The following RBFOX1 variants were observed in gnomAD, a reference collection of about 807,000 sequenced individuals.
RBFOX1 encodes RNA binding fox-1 homolog 1, also known as RNA binding protein fox-1 homolog 1.
Under a neutral mutation model 57.7 loss-of-function variants are expected in RBFOX1, and 8 were observed. The ratio of observed to expected loss-of-function variants is 0.14; its 90% CI spans 0.08 to 0.25. The LOEUF (loss-of-function observed/expected upper bound fraction) is 0.25, where lower values mean the gene tolerates loss of function less well. RBFOX1 is among the 10% of genes least tolerant of loss of function. RBFOX1 has a pLI of 1.00. For missense variants in RBFOX1, 611 were observed against 548.5 expected (o/e 1.11, Z -1.14); for synonymous variants, 326 against 222.4 (o/e 1.47, Z -4.15).
intron 3 of RBFOX1, among the ~76,000 whole-genome samples, chr16:5,796,006 G>C (rs1011697914): frequency 9.9e-5 from 15 of 152,256 alleles, no homozygotes; most frequent in African/African-American, 3.6e-4. Flanking sequence ...CATTTGCATA[G>C]GGCTGTGCAA....
intron 3 of RBFOX1, among the ~76,000 whole-genome samples, chr16:5,635,640 C>G (rs781162340): frequency 7.9e-6 from 1 of 126,612 alleles, no homozygotes; most frequent in Non-Finnish European, 1.5e-5. Flanking sequence ...GACATGCATG[C>G]AATTTGCATT....
intron 1 of RBFOX1, among the ~76,000 whole-genome samples, chr16:5,393,875 A>G (rs1252158661): frequency 2.0e-5 from 3 of 152,066 alleles, no homozygotes; most frequent in Non-Finnish European, 4.4e-5. Context: ...CTAACTTCCC[A>G]TTCACGTTTC....
intron 4 of RBFOX1, among the ~76,000 whole-genome samples, chr16:6,006,009 G>A (rs985448112): frequency 3.9e-5 from 6 of 152,234 alleles, no homozygotes; most frequent in African/African-American, 7.2e-5. Flanking sequence ...TTCATGGAGA[G>A]TCTTGTATGG....
chr16:6,295,886 G>A (rs2078045145), intron 1 of RBFOX1, among the ~76,000 whole-genome samples: 1 of 152,176 alleles, frequency 6.6e-6, no homozygotes, highest in African/African-American at 2.4e-5. Flanking sequence ...CCTTGGCACC[G>A]ATAATGTCCC....
chr16:6,278,575 C>G (rs1567836463), intron 1 of RBFOX1, among the ~76,000 whole-genome samples: 1 of 151,914 alleles, frequency 6.6e-6, no homozygotes, highest in Non-Finnish European at 1.5e-5. Flanking sequence ...CTGAATTTCT[C>G]TTTTGAGCTT....
At chr16:6,885,126 A>C (rs2063723135) in intron 3 of RBFOX1, among the ~76,000 whole-genome samples, 1 of 152,188 alleles carries the variant, frequency 6.6e-6, no homozygotes, top group Non-Finnish European at 1.5e-5. Context: ...GGAAGGAGGA[A>C]AGTCTCAAGC....
At chr16:6,839,431 C>T (rs1370350985) in intron 3 of RBFOX1, among the ~76,000 whole-genome samples, 3 of 152,174 alleles carry the variant, frequency 2.0e-5, no homozygotes, top group Non-Finnish European at 4.4e-5. Flanking sequence ...TCAATAAACA[C>T]CCTGAAATTT....
chr16:6,987,189 C>G (rs1183577548), intron 3 of RBFOX1, among the ~76,000 whole-genome samples: 5 of 152,068 alleles, frequency 3.3e-5, no homozygotes, highest in South Asian at 2.1e-4. Context: ...AGTGTTTTGC[C>G]AAGTCTTGAT....
intron 11 of RBFOX1, among the ~76,000 whole-genome samples, chr16:7,635,215 A>G (rs911869382): frequency 6.6e-6 from 1 of 152,240 alleles, no homozygotes; most frequent in African/African-American, 2.4e-5. Flanking sequence ...TAGTTGAAGT[A>G]TCTAAAGGTA....
At chr16:6,353,252 A>G (rs138292956) in intron 2 of RBFOX1, among the ~76,000 whole-genome samples, 143 of 152,154 alleles carry the variant, frequency 9.4e-4, no homozygotes, top group Middle Eastern at 3.4e-3. Context: ...CTCCATCTGA[A>G]ATGCACTTGG....
Position 6,764,739 on chromosome 16 carries a change from C to G in RBFOX1, c.-16+110089C>G, listed in dbSNP as rs574836243. 2.6e-5 allele frequency among the ~76,000 whole-genome samples: 4 copies of G among 152,146 alleles called. No individual in the cohort carries two copies. The South Asian group carries it at 8.3e-4, about 32-fold the overall frequency. ...GTCACTTGAGGTCAGGTGTACGAGA[C>G]CAACCTGGCCAACATGGTGAAACCC... On this transcript the variant is annotated intron_variant, in intron 3 of 15. Coordinates refer to ENST00000550418, the MANE Select transcript of RBFOX1 (RefSeq NM_018723.4).
intron 3 of RBFOX1, among the ~76,000 whole-genome samples, chr16:5,723,007 T>G (rs1047972500): frequency 6.6e-6 from 1 of 152,202 alleles, no homozygotes; most frequent in African/African-American, 2.4e-5. Context: ...TTAGGGCACA[T>G]AAGGCTCTCA....
rs114072513 is a variant in RBFOX1, at chr16:6,105,831, G to A, written c.-127+85839G>A. On this transcript the variant is annotated intron_variant, in intron 1 of 15. Coordinates refer to ENST00000550418, the MANE Select transcript of RBFOX1 (RefSeq NM_018723.4). ...ACTTAATTGGGCTTAAGCTGTATAT[G>A]TTCCATACCCTGCTATTGTTGCTTG... 9.9e-3 allele frequency among the ~76,000 whole-genome samples: 1,508 copies of A among 152,106 alleles called. 26 individuals carry two copies. The highest frequency in any genetic ancestry group is 0.034 in the African/African-American group (1,426 of 41,480).
intron 2 of RBFOX1, among the ~76,000 whole-genome samples, chr16:6,380,737 C>T (rs2091729119): frequency 6.6e-6 from 1 of 152,080 alleles, no homozygotes; most frequent in South Asian, 2.1e-4. Flanking sequence ...AGTATAGGAA[C>T]TCTGGGTCCA....
intron 3 of RBFOX1, among the ~76,000 whole-genome samples, chr16:5,835,547 G>A (rs1443947997): frequency 6.6e-6 from 1 of 152,146 alleles, no homozygotes; most frequent in Non-Finnish European, 1.5e-5. Flanking sequence ...TGGATCTACT[G>A]AATCAGCATC....
chr16:5,862,341 G>A (rs1369523270), intron 3 of RBFOX1, among the ~76,000 whole-genome samples: 6 of 152,286 alleles, frequency 3.9e-5, no homozygotes, highest in Non-Finnish European at 7.3e-5. Flanking sequence ...TTTGCTGGTG[G>A]GGAGGGAAAT....
intron 3 of RBFOX1, among the ~76,000 whole-genome samples, chr16:6,888,454 G>C (rs934829880): frequency 6.6e-6 from 1 of 152,170 alleles, no homozygotes; most frequent in Non-Finnish European, 1.5e-5. Flanking sequence ...GTCACTTACT[G>C]TCTTGGGTTT....
intron 1 of RBFOX1, among the ~76,000 whole-genome samples, chr16:5,405,885 C>G (rs1420769636): frequency 6.6e-6 from 1 of 152,010 alleles, no homozygotes; most frequent in Non-Finnish European, 1.5e-5. Flanking sequence ...GCAGAGTGAT[C>G]CAAGTCATCT....
rs142279155 is a variant in RBFOX1 at position 6,084,432 on chromosome 16, C to T, written c.-127+64440C>T. On this transcript the variant is annotated intron_variant, in intron 1 of 15. Transcript: ENST00000550418. Reference sequence around the variant, plus strand: ...CTATGTTTTGTATTTTTTGTGAAGACGGAGTCTCACCATGTTGCCCAGGCT... The same window carrying T: ...CTATGTTTTGTATTTTTTGTGAAGATGGAGTCTCACCATGTTGCCCAGGCT... Among the ~76,000 whole-genome samples the T allele has an allele frequency of 2.6e-5, 4 of 152,070 alleles. No individual in the cohort carries two copies. In the East Asian group the frequency reaches 7.7e-4, roughly 29 times the overall value.
Sources: gnomAD v4.1 joint callset for allele counts (sites outside exome capture counted in the v4.1 genomes callset) on GRCh38, gnomAD v4.1.1 for gene constraint, MANE v1.5 for transcripts, NCBI Gene and HGNC (gene_info 2026-07-23, HGNC 2026-07-21) for gene names.